The following LRP1B variants were observed in gnomAD, a reference collection of about 807,000 sequenced individuals.
LRP1B encodes the protein LDL receptor related protein 1B, also known as low-density lipoprotein receptor-related protein 1B.
In LRP1B, 217 loss-of-function variants were observed where a neutral mutation model predicts 556.6. The observed-to-expected ratio is 0.39, with a 90% CI of 0.35 to 0.44. The LOEUF (loss-of-function observed/expected upper bound fraction) is 0.44, where lower values mean the gene tolerates loss of function less well. Ranked by LOEUF, LRP1B falls within the 20% of genes least tolerant of loss-of-function variation. The pLI is 1.00. For missense variants in LRP1B, 5,053 were observed against 5,620.8 expected (o/e 0.90, Z 3.23); for synonymous variants, 2,047 against 1,865.8 (o/e 1.10, Z -2.50).
intron 2 of LRP1B, among the ~76,000 whole-genome samples, chr2:141,802,304 T>C (rs1472297748): frequency 6.6e-6 from 1 of 152,112 alleles, no homozygotes; most frequent in Non-Finnish European, 1.5e-5. Context: ...AAGGTATCTT[T>C]CTTCAGTACA....
chr2:141,966,027 C>T (rs549916683), intron 1 of LRP1B, among the ~76,000 whole-genome samples: 16 of 151,814 alleles, frequency 1.1e-4, no homozygotes, highest in Admixed American at 6.6e-4. Flanking sequence ...TAAATCAACA[C>T]GCATCCAACT....
intron 1 of LRP1B, among the ~76,000 whole-genome samples, chr2:142,010,249 T>C (rs1036921302): frequency 6.6e-6 from 1 of 151,982 alleles, no homozygotes; most frequent in Non-Finnish European, 1.5e-5. Flanking sequence ...ACTACAAATG[T>C]TAATCATTTG....
At chr2:141,700,247 T>C (rs1161902462) in intron 2 of LRP1B, among the ~76,000 whole-genome samples, 2 of 151,762 alleles carry the variant, frequency 1.3e-5, no homozygotes, top group African/African-American at 2.4e-5. Flanking sequence ...TCAAATCCCA[T>C]GTAAAAGCTG....
At chr2:140,610,519 C>A (rs965078971) in intron 41 of LRP1B, among the ~76,000 whole-genome samples, 1 of 152,152 alleles carries the variant, frequency 6.6e-6, no homozygotes, top group Admixed American at 6.5e-5. Context: ...AGCTTTGAAT[C>A]CCCGCCCTAC....
At chr2:140,745,555 G>A (rs1434479467) in intron 35 of LRP1B, among the ~76,000 whole-genome samples, 1 of 151,892 alleles carries the variant, frequency 6.6e-6, no homozygotes, top group African/African-American at 2.4e-5. Context: ...AGTTGTTCTG[G>A]GTTTTCTGTG....
chr2:140,480,849 A>G (rs1290814520), intron 59 of LRP1B, among the ~76,000 whole-genome samples: 1 of 152,118 alleles, frequency 6.6e-6, no homozygotes, highest in Non-Finnish European at 1.5e-5. Flanking sequence ...TTTCCAAAAA[A>G]CTTTTATCAT....
chr2:141,085,828 C>T (rs546782332), intron 7 of LRP1B, among the ~76,000 whole-genome samples: 1 of 152,304 alleles, frequency 6.6e-6, no homozygotes, highest in African/African-American at 2.4e-5. Context: ...AAGAATCACT[C>T]ATCGCAGTTG....
chr2:140,642,677 T>TA (rs1684339947), intron 41 of LRP1B, among the ~76,000 whole-genome samples: 1 of 151,868 alleles, frequency 6.6e-6, no homozygotes, highest in Non-Finnish European at 1.5e-5. Flanking sequence ...CCATCTCTAC[T>TA]AAAAAATACA....
At chr2:141,498,785 T>C (rs1167911220) in intron 2 of LRP1B, among the ~76,000 whole-genome samples, 1 of 152,094 alleles carries the variant, frequency 6.6e-6, no homozygotes, top group Admixed American at 6.6e-5. Flanking sequence ...GTGTGGTGAA[T>C]CTCTGCCACA....
chr2:140,737,671 T>C (rs1424652478), intron 35 of LRP1B, among the ~76,000 whole-genome samples: 1 of 152,148 alleles, frequency 6.6e-6, no homozygotes, highest in Non-Finnish European at 1.5e-5. Flanking sequence ...TGGTCAAGAC[T>C]GTAAAAACTA....
At chr2:142,051,209 G>A (rs939135042) in intron 1 of LRP1B, among the ~76,000 whole-genome samples, 5 of 151,980 alleles carry the variant, frequency 3.3e-5, no homozygotes, top group Admixed American at 2.0e-4. Context: ...GAGGGGGTGG[G>A]GAAAGGACAT....
intron 2 of LRP1B, among the ~76,000 whole-genome samples, chr2:141,802,917 C>T (rs1696054267): frequency 6.6e-6 from 1 of 152,096 alleles, no homozygotes; most frequent in African/African-American, 2.4e-5. Context: ...CTGTAGAGTC[C>T]TGCAAGATCG....
intron 49 of LRP1B, among the ~76,000 whole-genome samples, chr2:140,523,738 G>A (rs1465913829): frequency 6.6e-6 from 1 of 151,648 alleles, no homozygotes; most frequent in East Asian, 1.9e-4. Flanking sequence ...CAAGCTGAGG[G>A]CTAAATAAAA....
intron 7 of LRP1B, among the ~76,000 whole-genome samples, chr2:141,096,629 G>GGGA (rs1700318118): frequency 6.7e-5 from 4 of 59,742 alleles, no homozygotes; most frequent in Non-Finnish European, 1.3e-4. Context: ...GGGGAGAGGG[G>GGGA]GAGAGAGAGA....
intron 1 of LRP1B, among the ~76,000 whole-genome samples, chr2:141,971,231 G>T (rs1392800155): frequency 1.3e-5 from 2 of 151,416 alleles, no homozygotes; most frequent in East Asian, 3.9e-4. Flanking sequence ...TATTTCACAC[G>T]TGTATCTTAG....
chr2:141,282,262 A>G (rs1685537502), intron 3 of LRP1B, among the ~76,000 whole-genome samples: 1 of 152,034 alleles, frequency 6.6e-6, no homozygotes, highest in Non-Finnish European at 1.5e-5. Context: ...TAATATAAAT[A>G]AAACACTAGT....
At chr2:141,960,927 T>C (rs1229891056) in intron 1 of LRP1B, among the ~76,000 whole-genome samples, 1 of 151,798 alleles carries the variant, frequency 6.6e-6, no homozygotes, top group Non-Finnish European at 1.5e-5. Context: ...ATGGAATAGA[T>C]CTTTTAACAA....
intron 41 of LRP1B, among the ~76,000 whole-genome samples, chr2:140,653,969 G>A (rs962421167): frequency 4.5e-5 from 6 of 133,916 alleles, no homozygotes; most frequent in African/African-American, 1.7e-4. Context: ...AGGTTGCAAT[G>A]AGCCAAGATC....
chr2:141,002,586 G>A (rs1169182963), intron 15 of LRP1B, among the ~76,000 whole-genome samples: 1 of 151,778 alleles, frequency 6.6e-6, no homozygotes, highest in African/African-American at 2.4e-5. Flanking sequence ...CCTAATACAA[G>A]GCAAATACTA....
Sources: allele counts gnomAD v4.1 joint callset (sites outside exome capture counted in the v4.1 genomes callset), GRCh38; gene constraint gnomAD v4.1.1; transcripts MANE v1.5; gene names NCBI Gene and HGNC (gene_info 2026-07-23, HGNC 2026-07-21).